The following DOCK3 variants were observed in gnomAD, a reference collection of about 807,000 sequenced individuals.
The protein encoded by DOCK3 is dedicator of cytokinesis 3, also known as dedicator of cytokinesis protein 3.
DOCK3 carries 60 observed loss-of-function variants against 265.6 expected under a neutral mutation model. The ratio of observed to expected loss-of-function variants is 0.23; its 90% confidence interval spans 0.18 to 0.28. DOCK3 has a LOEUF of 0.28. Among genes scored for constraint, DOCK3 ranks in the 10% least tolerant of loss-of-function variants. DOCK3 has a pLI of 1.00. For missense variants in DOCK3, 1,981 were observed against 2,594.3 expected, an observed-to-expected ratio of 0.76 and a Z score of 5.14; for synonymous variants, 881 against 938.0, an observed-to-expected ratio of 0.94 and a Z score of 1.11.
chr3:50,906,897 C>A (rs1291782287), intron 4 of DOCK3, among the ~76,000 whole-genome samples: 6 of 152,180 alleles, frequency 3.9e-5, no homozygotes, highest in Non-Finnish European at 7.3e-5. Context: ...GCATTTAGTG[C>A]TATAAATTTC....
intron 1 of DOCK3, among the ~76,000 whole-genome samples, chr3:50,679,878 G>A (rs184643304): frequency 6.6e-6 from 1 of 152,078 alleles, no homozygotes. Context: ...AGTGTTTATG[G>A]GGAACTTCCT....
intron 1 of DOCK3, among the ~76,000 whole-genome samples, chr3:50,768,369 A>C (rs371246153): frequency 6.6e-6 from 1 of 152,204 alleles, no homozygotes; most frequent in Admixed American, 6.5e-5. Context: ...GACACAACAA[A>C]AAAAGAGAAT....
chr3:51,273,976 C>G (rs547946264), intron 24 of DOCK3, among the ~76,000 whole-genome samples: 2 of 152,280 alleles, frequency 1.3e-5, no homozygotes, highest in African/African-American at 4.8e-5. Context: ...CCCTTACACC[C>G]CATTCTACAG....
chr3:51,306,291 T>G (rs9877188), intron 27 of DOCK3, among the ~76,000 whole-genome samples: 124,955 of 152,034 alleles, frequency 0.82, 51,947 homozygotes, highest in Middle Eastern at 0.9. Context: ...GATGTCACCT[T>G]TTCATATTAT....
intron 7 of DOCK3, among the ~76,000 whole-genome samples, chr3:51,085,550 A>G (rs998994069): frequency 2.0e-5 from 3 of 152,212 alleles, no homozygotes; most frequent in Non-Finnish European, 2.9e-5. Flanking sequence ...TGGAAATTAA[A>G]CAGCATGCTC....
chr3:51,246,515 T>C (rs1219342036), intron 21 of DOCK3, among the ~76,000 whole-genome samples: 1 of 152,204 alleles, frequency 6.6e-6, no homozygotes, highest in Non-Finnish European at 1.5e-5. Context: ...GTTATTTTAG[T>C]TGCTGATTAA....
At chr3:51,193,296 T>C (rs1269669326) in intron 12 of DOCK3, among the ~76,000 whole-genome samples, 2 of 152,230 alleles carry the variant, frequency 1.3e-5, no homozygotes, top group African/African-American at 4.8e-5. Flanking sequence ...AACTTTTTGA[T>C]TGGCTCTTAG....
intron 49 of DOCK3, among the ~76,000 whole-genome samples, chr3:51,371,387 C>T (rs903935346): frequency 6.6e-6 from 1 of 152,226 alleles, no homozygotes. Context: ...AAGCAAGTCC[C>T]TTCTAGACCA....
Position 51,374,005 on chromosome 3 carries a change from C to T in DOCK3, c.5294-464C>T, listed in dbSNP as rs190973183. Among the ~76,000 whole-genome samples, 13 of 152,290 alleles carry T rather than the reference C, an allele frequency of 8.5e-5. No individual in the cohort carries two copies. The South Asian group carries it at 2.1e-3, about 24-fold the overall frequency. On this transcript the variant is annotated intron_variant, in intron 49 of 52. Transcript: ENST00000266037. The surrounding 1 kb of genome is among the most constrained non-coding windows in gnomAD (Gnocchi z 4.8). ...AGGAGAAGGTAAGTGCGTAAAGACA[C>T]AGTATGTCAAGTAATAACAGTGTGG...
rs896231639 is a variant in DOCK3, at chr3:50,921,758, T to C, written c.219-12223T>C. 1.4e-4 allele frequency among the ~76,000 whole-genome samples: 21 copies of C among 152,324 alleles called. No homozygotes were observed. In the South Asian group the frequency reaches 3.3e-3, roughly 24 times the overall value. On this transcript the variant is annotated intron_variant, in intron 4 of 52. Transcript: ENST00000266037. ...TGGTGTGGATGTCCTTTCTGTTTGT[T>C]AGTTTTCCTTCCAGCAGTCAGGACC... is the stretch of plus-strand genomic sequence containing the variant.
Position 51,210,252 on chromosome 3 carries a change from G to A in DOCK3, c.1126+1390G>A, listed in dbSNP as rs904806763. ...TGTCTTGCTCCCCAGAGCGAGCAGG[G>A]ACTGTGCCATATTCTGTGTCTGATT... On this transcript the variant is annotated intron_variant, in intron 13 of 52. Coordinates refer to ENST00000266037, the MANE Select transcript of DOCK3 (RefSeq NM_004947.5). Among the ~76,000 whole-genome samples, 3 of 152,168 alleles carry A rather than the reference G, an allele frequency of 2.0e-5. No homozygotes were observed. The East Asian group carries it at 5.8e-4, about 29-fold the overall frequency.
At position 50,687,104 on chromosome 3, in the gene DOCK3, G is replaced by GGAGGCT. The variant is rs550416867; in HGVS notation, c.37+11816_37+11821dup. ...AGATGCCTGTAATCCCAGCTACTCGGGAGGCTGAGGCTGAGGCAAGAGAAT... is the reference window on the plus strand; with the variant it reads ...AGATGCCTGTAATCCCAGCTACTCGGGAGGCTGAGGCTGAGGCTGAGGCAAGAGAAT... On this transcript the variant is annotated intron_variant, in intron 1 of 52. Transcript: ENST00000266037. Among the ~76,000 whole-genome samples, 419 of 151,208 alleles carry GGAGGCT rather than the reference G, an allele frequency of 2.8e-3. 3 individuals are homozygous for GGAGGCT. The highest frequency in any genetic ancestry group is 9.8e-3 in the African/African-American group (401 of 41,122).
At chr3:51,295,743 A>G (rs1353549589) in intron 27 of DOCK3, among the ~76,000 whole-genome samples, 3 of 151,340 alleles carry the variant, frequency 2.0e-5, no homozygotes, top group Non-Finnish European at 2.9e-5. Flanking sequence ...ATTTTTATTT[A>G]TTATACTGGA....
chr3:51,375,735 C>G lies in DOCK3; in HGVS notation c.5413-13C>G. 1 of 1,613,984 alleles carries G rather than the reference C, an allele frequency of 6.2e-7. No homozygotes were observed. The highest frequency in any genetic ancestry group is 2.2e-5 in the East Asian group (1 of 44,882). On this transcript the variant is annotated splice_polypyrimidine_tract_variant and intron_variant, in intron 50 of 52. Transcript: ENST00000266037. Reference sequence around the variant, plus strand: ...TGTTTTCACTCTCTGTAATGTTTATCTCCTTCCTTCAGCCGCCGAATTTCC... The same window carrying G: ...TGTTTTCACTCTCTGTAATGTTTATGTCCTTCCTTCAGCCGCCGAATTTCC...
intron 4 of DOCK3, among the ~76,000 whole-genome samples, chr3:50,895,022 G>A (rs2048825975): frequency 6.6e-6 from 1 of 152,034 alleles, no homozygotes. Context: ...CTCCAGTAAT[G>A]TTAAAGGTGT....
chr3:50,694,206 G>GT (rs2035457016), intron 1 of DOCK3, among the ~76,000 whole-genome samples: 1 of 151,996 alleles, frequency 6.6e-6, no homozygotes, highest in Admixed American at 6.5e-5. Flanking sequence ...GGAGGTGGAG[G>GT]TTGCAGTGAG....
intron 2 of DOCK3, among the ~76,000 whole-genome samples, chr3:50,790,156 A>G (rs371655202): frequency 3.3e-5 from 5 of 152,130 alleles, no homozygotes; most frequent in African/African-American, 9.7e-5. Flanking sequence ...TTTGCATGGA[A>G]TATCTTTTTC....
chr3:50,734,673 G>A (rs1240855784), intron 1 of DOCK3, among the ~76,000 whole-genome samples: 2 of 132,790 alleles, frequency 1.5e-5, no homozygotes, highest in Non-Finnish European at 3.0e-5. Context: ...TGTGATCTCG[G>A]CTCACTGCAA....
At chr3:51,220,871 G>A (rs2090065598) in intron 14 of DOCK3, among the ~76,000 whole-genome samples, 1 of 151,762 alleles carries the variant, frequency 6.6e-6, no homozygotes, top group Non-Finnish European at 1.5e-5. Flanking sequence ...CTGCTGGGAT[G>A]GAATTCCACA....
Sources: allele counts gnomAD v4.1 joint callset (sites outside exome capture counted in the v4.1 genomes callset), GRCh38; gene constraint gnomAD v4.1.1; non-coding constraint Gnocchi (gnomAD v3.1); transcripts MANE v1.5; gene names NCBI Gene and HGNC (gene_info 2026-07-23, HGNC 2026-07-21).